Variants in CDH18 observed in about 807,000 individuals in gnomAD.
The protein encoded by CDH18 is cadherin-18.
CDH18 carries 31 observed loss-of-function variants against 67.9 expected under a neutral mutation model. The observed-to-expected ratio is 0.46, with a 90% CI of 0.34 to 0.62. The LOEUF (loss-of-function observed/expected upper bound fraction) is 0.62. Ranked by LOEUF, CDH18 falls within the 20% of genes least tolerant of loss-of-function variation. The probability of loss-of-function intolerance (pLI) is 0.01; values close to 1 mark genes in which losing one functional copy is unlikely to be tolerated. For synonymous variants in CDH18, 362 were observed against 347.2 expected, an observed-to-expected ratio of 1.04 and a Z score of -0.48; for missense variants, 890 against 975.5, an observed-to-expected ratio of 0.91 and a Z score of 1.17.
chr5:20,101,869 C>T (rs578186310), intron 2 of CDH18, among the ~76,000 whole-genome samples: 80 of 152,170 alleles, frequency 5.3e-4, no homozygotes, highest in African/African-American at 1.8e-3. Context: ...GTCAGGAGTT[C>T]GAGGCCATCC....
At chr5:20,343,459 C>T (rs1740436429) in intron 1 of CDH18, among the ~76,000 whole-genome samples, 1 of 152,140 alleles carries the variant, frequency 6.6e-6, no homozygotes, top group Non-Finnish European at 1.5e-5. Flanking sequence ...GACCCCATTA[C>T]ATTACCAACA....
chr5:19,995,602 TA>T (rs546777102), intron 2 of CDH18, among the ~76,000 whole-genome samples: 6,533 of 122,716 alleles, frequency 0.053, 222 homozygotes, highest in East Asian at 0.26. Context: ...TTGCAAGCTT[TA>T]AAAAAAAAAA....
chr5:20,572,257 CCTG>C (rs1295291683), intron 1 of CDH18, among the ~76,000 whole-genome samples: 1 of 151,614 alleles, frequency 6.6e-6, no homozygotes, highest in Non-Finnish European at 1.5e-5. Flanking sequence ...TTTTTAGCTG[CCTG>C]CTGATCTTGT....
chr5:19,995,303 A>C (rs1351615610), intron 2 of CDH18, among the ~76,000 whole-genome samples: 1 of 152,138 alleles, frequency 6.6e-6, no homozygotes, highest in Non-Finnish European at 1.5e-5. Flanking sequence ...ATGCATAGAA[A>C]ACTATCAGGC....
At chr5:19,800,690 A>G (rs1777368473) in intron 3 of CDH18, among the ~76,000 whole-genome samples, 1 of 152,226 alleles carries the variant, frequency 6.6e-6, no homozygotes, top group South Asian at 2.1e-4. Context: ...CTCACATACC[A>G]TAGCAGAAAA....
intron 1 of CDH18, among the ~76,000 whole-genome samples, chr5:20,280,164 G>GA (rs1363951033): frequency 1.3e-5 from 2 of 151,464 alleles, no homozygotes; most frequent in Non-Finnish European, 2.9e-5. Flanking sequence ...ATTGAAAGAA[G>GA]AAAAAAACTT....
Position 19,960,646 on chromosome 5 carries a change from C to T in CDH18, c.-257+20414G>A, listed in dbSNP as rs553519569. Reference sequence around the variant, plus strand: ...ATACACGTGTATATGTATACATATACACGTGTATATATATATACACATGTA... The same window carrying T: ...ATACACGTGTATATGTATACATATATACGTGTATATATATATACACATGTA... On this transcript the variant is annotated intron_variant, in intron 2 of 12. Transcript: ENST00000382275. Among the ~76,000 whole-genome samples, 72 of 113,284 alleles carry T rather than the reference C, an allele frequency of 6.4e-4. 3 individuals are homozygous for T. The highest frequency in any genetic ancestry group is 3.8e-3 in the African/African-American group (66 of 17,270). 74.3% of individuals were successfully genotyped at this position (113,284 alleles called of 152,430 possible).
Position 20,534,248 on chromosome 5 carries a change from G to C in CDH18, c.-580+41214C>G, listed in dbSNP as rs188432274. 8.4e-4 allele frequency among the ~76,000 whole-genome samples: 128 copies of C among 152,010 alleles called. No homozygotes were observed. The Middle Eastern group carries it at 0.02, about 24-fold the overall frequency. ...GTTAATACTAGTTTTTACAAACTAT[G>C]GTTATTCTTTAACACATATATGAAC... is the stretch of plus-strand genomic sequence containing the variant. On this transcript the variant is annotated intron_variant, in intron 1 of 14. Coordinates refer to the CDH18 transcript ENST00000507958.
At chr5:20,560,509 A>C (rs1490224833) in intron 1 of CDH18, among the ~76,000 whole-genome samples, 2 of 148,010 alleles carry the variant, frequency 1.4e-5, no homozygotes, top group Admixed American at 6.7e-5. Flanking sequence ...ACACACACAC[A>C]CACCCCTACA....
chr5:19,591,097 G>A lies in CDH18; in HGVS notation c.959C>T (p.Thr320Ile). Residue 320 changes from threonine to isoleucine, a missense_variant, in exon 7 of 13, where the codon ACT becomes ATT. Around this residue, in one of 2 missense-constraint regions of CDH18, gnomAD observed 656 missense variants for 668.1 expected, o/e 0.98. Transcript: ENST00000382275. ...GATTCCTTCTCTGGTCTCTTTGTCAGTGGAGATTGAGAATATTCCCATGCC... is the reference window on the plus strand; with the variant it reads ...GATTCCTTCTCTGGTCTCTTTGTCAATGGAGATTGAGAATATTCCCATGCC... The part of the protein sequence containing the change: ...GDGMGIFSIS[T>I]DKETREGILS... 6.2e-7 allele frequency: 1 copy of A among 1,609,022 alleles called. No homozygotes were observed. Among genetic ancestry groups the A allele is most frequent in the Non-Finnish European group, 8.5e-7 (1 of 1,177,266 alleles).
rs990458820 is a variant in CDH18, at chr5:20,289,281, C to T, written c.-579-33776G>A. On this transcript the variant is annotated intron_variant, in intron 1 of 14. Transcript: ENST00000507958. ...TTTACAAATGAGAATTATGAAATGACAGTTGTTAGATAATTATTAAATGTT... is the reference window on the plus strand; with the variant it reads ...TTTACAAATGAGAATTATGAAATGATAGTTGTTAGATAATTATTAAATGTT... Among the ~76,000 whole-genome samples, 103 of 152,018 alleles carry T rather than the reference C, an allele frequency of 6.8e-4. 1 individual carries two copies. Among genetic ancestry groups the T allele is most frequent in the African/African-American group, 2.3e-3 (96 of 41,506 alleles).
At chr5:20,255,555 C>A (rs1215078665) in intron 1 of CDH18, 1 of 151,908 alleles carries the variant, frequency 6.6e-6, no homozygotes, top group Non-Finnish European at 1.5e-5. Flanking sequence ...ACATAAAAAT[C>A]TATGCATAAT....
At chr5:20,329,124 C>T (rs1738912910) in intron 1 of CDH18, among the ~76,000 whole-genome samples, 5 of 152,310 alleles carry the variant, frequency 3.3e-5, no homozygotes, top group Admixed American at 2.6e-4. Flanking sequence ...GAGCTAATAG[C>T]TATAAACCAT....
intron 3 of CDH18, among the ~76,000 whole-genome samples, chr5:19,810,838 A>C (rs62355785): frequency 0.088 from 13,403 of 151,754 alleles, 598 homozygotes; most frequent in African/African-American, 0.1. Context: ...GCCTGGCCAA[A>C]CTGGTGAAAC....
chr5:20,496,529 A>T (rs1753916719), intron 1 of CDH18, among the ~76,000 whole-genome samples: 1 of 152,196 alleles, frequency 6.6e-6, no homozygotes, highest in Non-Finnish European at 1.5e-5. Context: ...TTGATAAAAA[A>T]TTATGGTGAT....
At chr5:20,079,737 C>G (rs536600347) in intron 2 of CDH18, among the ~76,000 whole-genome samples, 57 of 152,210 alleles carry the variant, frequency 3.7e-4, no homozygotes, top group African/African-American at 1.3e-3. Context: ...TCAGTTTGGA[C>G]TGCTATAATA....
chr5:19,813,531 A>G (rs572893279), intron 3 of CDH18, among the ~76,000 whole-genome samples: 1 of 152,214 alleles, frequency 6.6e-6, no homozygotes, highest in South Asian at 2.1e-4. Context: ...GAAAAAAGAC[A>G]TTAGAACTAT....
At chr5:20,196,101 G>T (rs1347300015) in intron 2 of CDH18, among the ~76,000 whole-genome samples, 1 of 152,118 alleles carries the variant, frequency 6.6e-6, no homozygotes, top group African/African-American at 2.4e-5. Flanking sequence ...ACATCTGTTT[G>T]CATACAAAGT....
chr5:19,836,309 C>A (rs937002603), intron 3 of CDH18, among the ~76,000 whole-genome samples: 2 of 152,128 alleles, frequency 1.3e-5, no homozygotes, highest in African/African-American at 4.8e-5. Flanking sequence ...TCCTATTTCT[C>A]CACATCCTCT....
Sources: allele counts gnomAD v4.1 joint callset (sites outside exome capture counted in the v4.1 genomes callset), GRCh38; gene constraint gnomAD v4.1.1; regional missense constraint gnomAD v4.1.1; transcripts MANE v1.5; gene names NCBI Gene and HGNC (gene_info 2026-07-23, HGNC 2026-07-21).